The following ARMC2 variants were observed in gnomAD, a reference collection of about 807,000 sequenced individuals.
ARMC2 encodes armadillo repeat-containing protein 2.
A neutral mutation model predicts 90.3 loss-of-function variants in ARMC2; 67 were observed. The ratio of observed to expected loss-of-function variants is 0.74; its 90% CI spans 0.61 to 0.91. The LOEUF (loss-of-function observed/expected upper bound fraction) is 0.91. Ranked by LOEUF, ARMC2 falls within the 40% of genes least tolerant of loss-of-function variation. The pLI is 0.00. For synonymous variants in ARMC2, 393 were observed against 393.0 expected (o/e 1.00, Z 0.00); for missense variants, 920 against 1,030.9 (o/e 0.89, Z 1.47).
In ARMC2 at chr6:108,937,012, T is replaced by C. The variant is rs756038301; in HGVS notation, c.1596+13T>C. Reference sequence around the variant, plus strand: ...CCAGAAGAAGCAGGTCAGTTCTTCATTCATTTAATTCTTCAATGAGTCTTT... The same window carrying C: ...CCAGAAGAAGCAGGTCAGTTCTTCACTCATTTAATTCTTCAATGAGTCTTT... On this transcript the variant is annotated intron_variant, in intron 12 of 17. Coordinates refer to ENST00000392644, the MANE Select transcript of ARMC2 (RefSeq NM_032131.6). 1.3e-6 allele frequency: 2 copies of C among 1,549,292 alleles called. No homozygotes were observed. Among genetic ancestry groups the C allele is most frequent in the Admixed American group, 1.8e-5 (1 of 54,106 alleles).
chr6:108,928,193 G>C lies in ARMC2; in HGVS notation c.1456G>C (p.Gly486Arg), dbSNP rs770985681. 3.1e-6 allele frequency: 5 copies of C among 1,595,890 alleles called. No individual in the cohort carries two copies. The highest frequency in any genetic ancestry group is 4.3e-6 in the Non-Finnish European group (5 of 1,171,692). ...CTGCACGGCAATGGAACAGTACAAG[G>C]GTGACAAGGACGTCTGTACCAATAT... is the stretch of plus-strand genomic sequence containing the variant. Reference protein sequence around the residue: ...QLCTAMEQYKGDKDVCTNIAR... With the variant: ...QLCTAMEQYKRDKDVCTNIAR... Residue 486 changes from glycine to arginine, a missense_variant, in exon 11 of 18, where the codon GGT becomes CGT. Coordinates refer to ENST00000392644, the MANE Select transcript of ARMC2 (RefSeq NM_032131.6).
At chr6:109,006,713 C>A in the ARMC2 span, among the ~76,000 whole-genome samples, 1 of 152,074 alleles carries the variant, frequency 6.6e-6, no homozygotes, top group Non-Finnish European at 1.5e-5. Flanking sequence ...AAAAAGTTTC[C>A]ATTTTCTGGA....
At chr6:109,050,767 C>A in the ARMC2 span, among the ~76,000 whole-genome samples, 1 of 152,120 alleles carries the variant, frequency 6.6e-6, no homozygotes, top group East Asian at 1.9e-4. Flanking sequence ...TTTTAGTAAT[C>A]ATAAGGAATT....
intron 17 of ARMC2, among the ~76,000 whole-genome samples, chr6:108,969,029 C>T (rs913057122): frequency 6.6e-6 from 1 of 152,148 alleles, no homozygotes; most frequent in Non-Finnish European, 1.5e-5. Flanking sequence ...CTACCATGAG[C>T]CCCTCTGTGG....
At position 108,896,482 on chromosome 6, in the gene ARMC2, T is replaced by C. The variant is rs76093147; in HGVS notation, c.748+1939T>C. On this transcript the variant is annotated intron_variant, in intron 6 of 17. Transcript: ENST00000392644. ...TTTCTAGAGTAACTCAGGGATTGTG[T>C]ATAAAATGGAGGCAGGAGGAGGCCC... Among the ~76,000 whole-genome samples, 1,146 of 152,252 alleles carry C rather than the reference T, an allele frequency of 7.5e-3. 15 individuals are homozygous for C. Among genetic ancestry groups the C allele is most frequent in the African/African-American group, 0.027 (1,119 of 41,536 alleles).
At chr6:108,988,284 A>C in the ARMC2 span, 1 of 310,038 alleles carries the variant, frequency 3.2e-6, no homozygotes, top group Non-Finnish European at 5.9e-6. Context: ...AGCTTTTATA[A>C]AACAGTCTTC....
intron 5 of ARMC2, among the ~76,000 whole-genome samples, chr6:108,891,573 T>A (rs891855712): frequency 4.6e-5 from 7 of 152,254 alleles, no homozygotes; most frequent in African/African-American, 1.4e-4. Context: ...TCTGTTCATA[T>A]CCTTCATCCA....
intron 7 of ARMC2, among the ~76,000 whole-genome samples, chr6:108,903,812 G>C (rs1201994807): frequency 6.6e-6 from 1 of 152,166 alleles, no homozygotes; most frequent in Non-Finnish European, 1.5e-5. Flanking sequence ...TAGGAATGAG[G>C]GTTATGGAGA....
intron 8 of ARMC2, among the ~76,000 whole-genome samples, chr6:108,908,143 G>T (rs986330603): frequency 1.3e-5 from 2 of 152,002 alleles, no homozygotes; most frequent in Admixed American, 6.6e-5. Context: ...AGTGCTGGGG[G>T]GGGCCTGAGA....
intron 3 of ARMC2, among the ~76,000 whole-genome samples, chr6:108,866,908 C>A (rs1011712710): frequency 1.3e-5 from 2 of 151,976 alleles, no homozygotes; most frequent in Non-Finnish European, 2.9e-5. Context: ...TGAACAACTT[C>A]TTGGAAGGAA....
intron 5 of ARMC2, among the ~76,000 whole-genome samples, chr6:108,889,954 C>T (rs1256341723): frequency 6.7e-6 from 1 of 150,270 alleles, no homozygotes. Context: ...TTTGGGAGGC[C>T]GAGGCGGGCG....
intron 10 of ARMC2, among the ~76,000 whole-genome samples, chr6:108,920,118 T>A (rs1203997456): frequency 1.3e-5 from 2 of 152,194 alleles, no homozygotes; most frequent in East Asian, 1.9e-4. Context: ...TGAGATTAGA[T>A]GAAGCTATTT....
At chr6:109,042,322 GAATC>G in the ARMC2 span, among the ~76,000 whole-genome samples, 1 of 151,620 alleles carries the variant, frequency 6.6e-6, no homozygotes, top group African/African-American at 2.4e-5. Flanking sequence ...TATAAACTGA[GAATC>G]AAGCAGACAG....
intron 11 of ARMC2, among the ~76,000 whole-genome samples, chr6:108,933,214 C>T (rs908874729): frequency 1.3e-5 from 2 of 151,814 alleles, no homozygotes; most frequent in African/African-American, 4.8e-5. Flanking sequence ...GGATGTTTTC[C>T]CATTTGTTTG....
the ARMC2 span, chr6:109,009,336 C>A: frequency 6.8e-7 from 1 of 1,464,254 alleles, no homozygotes; most frequent in Middle Eastern, 2.0e-4. Flanking sequence ...CCCAGCGGCC[C>A]GCTCAGCCCC....
chr6:108,989,336 C>T, the ARMC2 span, among the ~76,000 whole-genome samples: 11 of 151,952 alleles, frequency 7.2e-5, no homozygotes, highest in Middle Eastern at 3.4e-3. Flanking sequence ...TGAGTATTAT[C>T]GAAATTAAGA....
chr6:109,023,453 G>GT, the ARMC2 span, among the ~76,000 whole-genome samples: 10 of 151,890 alleles, frequency 6.6e-5, no homozygotes, highest in Admixed American at 6.6e-4. Context: ...GATCCACTAT[G>GT]TTTTTTTGAT....
chr6:108,991,056 AGTCTC>A, the ARMC2 span, among the ~76,000 whole-genome samples: 1 of 149,890 alleles, frequency 6.7e-6, no homozygotes, highest in African/African-American at 2.5e-5. Context: ...AAAAACTAAT[AGTCTC>A]ATCTCAAAAA....
intron 11 of ARMC2, among the ~76,000 whole-genome samples, chr6:108,932,770 T>C (rs2262859): frequency 0.32 from 48,419 of 150,100 alleles, 7,979 homozygotes; most frequent in Non-Finnish European, 0.36. Context: ...CCTCGTGATC[T>C]GCCCGCCTCG....
Sources: gnomAD v4.1 joint callset for allele counts (sites outside exome capture counted in the v4.1 genomes callset) on GRCh38, gnomAD v4.1.1 for gene constraint, MANE v1.5 for transcripts, NCBI Gene and HGNC (gene_info 2026-07-23, HGNC 2026-07-21) for gene names.